The following CADPS variants were observed in gnomAD, a reference collection of about 807,000 sequenced individuals.
CADPS encodes the protein calcium dependent secretion activator.
CADPS carries 57 observed loss-of-function variants against 167.3 expected under a neutral mutation model. The observed-to-expected ratio is 0.34, with a 90% CI of 0.28 to 0.42. The LOEUF is 0.42. CADPS is among the 20% of genes least tolerant of loss of function. The pLI is 1.00. For missense variants in CADPS, 1,414 were observed against 1,738.1 expected (o/e 0.81, Z 3.32); for synonymous variants, 676 against 635.3 (o/e 1.06, Z -0.96).
chr3:62,666,619 G>A (rs1489031988), intron 3 of CADPS, among the ~76,000 whole-genome samples: 1 of 152,168 alleles, frequency 6.6e-6, no homozygotes, highest in Non-Finnish European at 1.5e-5. Flanking sequence ...GTCAAGCAGA[G>A]GCTGTGTGGT....
At chr3:62,661,618 G>A (rs2073220212) in intron 4 of CADPS, among the ~76,000 whole-genome samples, 1 of 152,150 alleles carries the variant, frequency 6.6e-6, no homozygotes, top group Non-Finnish European at 1.5e-5. Context: ...GGAATCTATT[G>A]AAGGATTTTG....
At chr3:62,516,238 T>A in intron 15 of CADPS, 56 bp from the exon 16 acceptor site, 1 of 1,598,576 alleles carries the variant, frequency 6.3e-7, no homozygotes, top group Non-Finnish European at 8.6e-7. Context: ...GTGTCACTCA[T>A]CCATACTTCT....
At chr3:62,495,185 G>A (rs2064495047) in intron 18 of CADPS, among the ~76,000 whole-genome samples, 1 of 152,174 alleles carries the variant, frequency 6.6e-6, no homozygotes, top group African/African-American at 2.4e-5. Context: ...ACAGTTTAGG[G>A]ATCTAGTGAA....
At position 62,640,093 on chromosome 3, in the gene CADPS, A is replaced by G. The variant is rs531928320; in HGVS notation, c.1325+5629T>C. Among the ~76,000 whole-genome samples, 4 of 152,334 alleles carry G rather than the reference A, an allele frequency of 2.6e-5. No individual in the cohort carries two copies. In the South Asian group the frequency reaches 8.3e-4, roughly 32 times the overall value. On this transcript the variant is annotated intron_variant, in intron 6 of 29. Coordinates refer to ENST00000383710, the MANE Select transcript of CADPS (RefSeq NM_003716.4). Reference sequence around the variant, plus strand: ...ATATGTTATTCACAGCTGTAGCCCCAGCACTGGTTGGACATAAGGAAAGCA... The same window carrying G: ...ATATGTTATTCACAGCTGTAGCCCCGGCACTGGTTGGACATAAGGAAAGCA...
chr3:62,676,425 C>T (rs951933712), intron 3 of CADPS, among the ~76,000 whole-genome samples: 2 of 152,062 alleles, frequency 1.3e-5, no homozygotes, highest in Non-Finnish European at 2.9e-5. Flanking sequence ...ATTATCTATG[C>T]TTTTATCATT....
chr3:62,641,194 T>C (rs1202299093), intron 6 of CADPS, among the ~76,000 whole-genome samples: 1 of 152,234 alleles, frequency 6.6e-6, no homozygotes, highest in Non-Finnish European at 1.5e-5. Flanking sequence ...TAATGGGATC[T>C]AAACAAGGCT....
chr3:62,427,086 A>AAG (rs908390976), intron 28 of CADPS, among the ~76,000 whole-genome samples: 3 of 151,482 alleles, frequency 2.0e-5, no homozygotes, highest in Admixed American at 2.0e-4. Flanking sequence ...AAAAAAAAAA[A>AAG]AAAAGAAAAG....
chr3:62,715,259 T>C (rs543824349), intron 3 of CADPS, among the ~76,000 whole-genome samples: 1 of 152,154 alleles, frequency 6.6e-6, no homozygotes, highest in East Asian at 1.9e-4. Flanking sequence ...TTTTAGCACA[T>C]GTGAGGTATT....
At chr3:62,573,679 G>A (rs888859485) in intron 8 of CADPS, among the ~76,000 whole-genome samples, 11 of 152,084 alleles carry the variant, frequency 7.2e-5, no homozygotes, top group Admixed American at 6.6e-4. Flanking sequence ...TGCTCCTCAT[G>A]GGAAAACTCA....
At chr3:62,498,328 C>G (rs2065151714) in intron 18 of CADPS, among the ~76,000 whole-genome samples, 1 of 152,074 alleles carries the variant, frequency 6.6e-6, no homozygotes. Flanking sequence ...TGAGAAATTA[C>G]TTTTAGGAAA....
At chr3:62,595,663 T>A (rs1241536575) in intron 6 of CADPS, among the ~76,000 whole-genome samples, 1 of 152,194 alleles carries the variant, frequency 6.6e-6, no homozygotes, top group African/African-American at 2.4e-5. Flanking sequence ...TTAGATGACA[T>A]GTAATAATTG....
intron 6 of CADPS, among the ~76,000 whole-genome samples, chr3:62,600,220 T>C (rs187829981): frequency 1.5e-4 from 22 of 150,722 alleles, no homozygotes; most frequent in Admixed American, 1.1e-3. Context: ...ATGCAGAGGA[T>C]ACTCAGCATG....
intron 1 of CADPS, among the ~76,000 whole-genome samples, chr3:62,767,628 T>TG (rs2087259799): frequency 6.6e-6 from 1 of 152,170 alleles, no homozygotes; most frequent in South Asian, 2.1e-4. Flanking sequence ...AGATGGAAGC[T>TG]GGGTGCTTTC....
intron 24 of CADPS, chr3:62,467,233 C>A: frequency 2.6e-6 from 2 of 766,710 alleles, no homozygotes; most frequent in Non-Finnish European, 1.8e-6. Context: ...TTGAATTATC[C>A]CATATTTCCC....
At chr3:62,567,832 C>A (rs951445884) in intron 9 of CADPS, among the ~76,000 whole-genome samples, 1 of 152,106 alleles carries the variant, frequency 6.6e-6, no homozygotes, top group East Asian at 1.9e-4. Flanking sequence ...TCCTCAGCTT[C>A]TCAAAGTGCT....
intron 26 of CADPS, among the ~76,000 whole-genome samples, chr3:62,451,167 C>G (rs376605151): frequency 3.9e-4 from 60 of 152,146 alleles, no homozygotes; most frequent in Middle Eastern, 3.4e-3. Flanking sequence ...TTACCTCGAC[C>G]CTCCACCTCA....
intron 3 of CADPS, among the ~76,000 whole-genome samples, chr3:62,687,691 T>C (rs2078309497): frequency 6.6e-6 from 1 of 151,730 alleles, no homozygotes; most frequent in African/African-American, 2.4e-5. Flanking sequence ...AATTTCAACA[T>C]TGTGTATTGA....
chr3:62,622,067 T>C (rs773636022), intron 6 of CADPS, among the ~76,000 whole-genome samples: 5 of 152,106 alleles, frequency 3.3e-5, no homozygotes, highest in Non-Finnish European at 5.9e-5. Flanking sequence ...GCTCATCTCC[T>C]CTTGCATTCA....
intron 1 of CADPS, among the ~76,000 whole-genome samples, chr3:62,769,554 G>T (rs2087944638): frequency 6.6e-6 from 1 of 152,074 alleles, no homozygotes; most frequent in African/African-American, 2.4e-5. Context: ...TTGAGTGTTT[G>T]CACATACTAT....
Sources: allele counts gnomAD v4.1 joint callset (sites outside exome capture counted in the v4.1 genomes callset), GRCh38; gene constraint gnomAD v4.1.1; transcripts MANE v1.5; gene names NCBI Gene and HGNC (gene_info 2026-07-23, HGNC 2026-07-21).